Variants in CPSF1 observed in about 807,000 individuals in gnomAD.
The protein encoded by CPSF1 is cleavage and polyadenylation specificity factor subunit 1.
CPSF1 carries 106 observed loss-of-function variants against 175.8 expected under a neutral mutation model. The ratio of observed to expected loss-of-function variants is 0.60; its 90% CI spans 0.52 to 0.71. CPSF1 has a LOEUF of 0.71. CPSF1 is among the 30% of genes least tolerant of loss of function. The pLI, the probability that CPSF1 is intolerant of heterozygous loss-of-function variation, is 0.00. For synonymous variants in CPSF1, 1,024 were observed against 858.3 expected, an observed-to-expected ratio of 1.19 and a Z score of -3.37; for missense variants, 1,734 against 2,022.9, an observed-to-expected ratio of 0.86 and a Z score of 2.74.
chr8:144,408,950 C>A, intron 2 of CPSF1, 65 bp downstream of exon 2: 2 of 1,576,100 alleles, frequency 1.3e-6, no homozygotes, highest in Non-Finnish European at 1.7e-6. Context: ...CTTCCATCTG[C>A]AACCGGGGGC....
chr8:144,395,121 G>T lies in CPSF1; in HGVS notation c.3249C>A (p.Ser1083Arg). 6.2e-7 allele frequency: 1 copy of T among 1,611,940 alleles called. No individual in the cohort carries two copies. Among genetic ancestry groups the T allele is most frequent in the Non-Finnish European group, 8.5e-7 (1 of 1,179,212 alleles). ...AFSIQLISPV[S>R]WEAIPNARIE... ...ACCTGGCATTGGGAATAGCCTCCCA[G>T]CTGACCGGGGAGATGAGCTGGATGG... Residue 1083 changes from serine to arginine, a missense_variant, in exon 29 of 38, where the codon AGC becomes AGA. Transcript: ENST00000616140.
chr8:144,403,378 G>A (rs1271569448), intron 2 of CPSF1, among the ~76,000 whole-genome samples: 1 of 152,036 alleles, frequency 6.6e-6, no homozygotes, highest in African/African-American at 2.4e-5. Context: ...ACAGGCATGA[G>A]CCACCACGCC....
At chr8:144,398,907 A>ATGGGGGTGTGG in intron 16 of CPSF1, 39 bp from the exon 17 acceptor site, 3 of 1,609,586 alleles carry the variant, frequency 1.9e-6, no homozygotes, top group Non-Finnish European at 2.5e-6. Flanking sequence ...TGGGGGTGTG[A>ATGGGGGTGTGG]GCCCACCCAG....
At position 144,400,030 on chromosome 8, in the gene CPSF1, G is replaced by A. The variant is rs2116869297; in HGVS notation, c.993C>T (p.Ser331=). ...TLDCAQATFI[S]YDKMVISLKG... ...TGAGGGAGATGACCATCTTGTCGTAGGAGATGAAGGTGGCCTGGGCGCAGT... is the reference window on the plus strand; with the variant it reads ...TGAGGGAGATGACCATCTTGTCGTAAGAGATGAAGGTGGCCTGGGCGCAGT... Residue 331 remains serine (S), a synonymous_variant, in exon 10 of 38, where the codon TCC becomes TCT. Coordinates refer to ENST00000616140, the MANE Select transcript of CPSF1 (RefSeq NM_013291.3). The A allele has an allele frequency of 3.1e-6, 5 of 1,612,212 alleles. No homozygotes were observed. The highest frequency in any genetic ancestry group is 4.2e-6 in the Non-Finnish European group (5 of 1,179,912).
chr8:144,399,519 G>A lies in CPSF1; in HGVS notation c.1243-16C>T, dbSNP rs971467850. The A allele has an allele frequency of 3.7e-6, 6 of 1,612,210 alleles. No individual in the cohort carries two copies. Among genetic ancestry groups the A allele is most frequent in the East Asian group, 2.2e-5 (1 of 44,870 alleles). ...GAGGCTCTTCCTGTGAGGCAGGAGG[G>A]GCACTGAGTGGCATGCCACAGCAGT... On this transcript the variant is annotated splice_polypyrimidine_tract_variant and intron_variant, in intron 12 of 37. Coordinates refer to ENST00000616140, the MANE Select transcript of CPSF1 (RefSeq NM_013291.3). The surrounding 1 kb of genome is among the most constrained non-coding windows in gnomAD (Gnocchi z 6.4).
rs1554863005 is a variant in CPSF1, at chr8:144,394,813, T to C, written c.3415-17A>G. 1.9e-6 allele frequency: 3 copies of C among 1,613,252 alleles called. No individual in the cohort carries two copies. The highest frequency in any genetic ancestry group is 2.2e-5 in the East Asian group (1 of 44,872). On this transcript the variant is annotated splice_polypyrimidine_tract_variant and intron_variant, in intron 30 of 37. Transcript: ENST00000616140. Reference sequence around the variant, plus strand: ...GATCAAGATCTGGAGGGCATGGGTATGGCTGTGGGATGGCTGTGGGGATGG... The same window carrying C: ...GATCAAGATCTGGAGGGCATGGGTACGGCTGTGGGATGGCTGTGGGGATGG...
rs375904098 is a variant in CPSF1 at position 144,394,025 on chromosome 8, G to A, written c.3873C>T (p.Phe1291=). Reference sequence around the variant, plus strand: ...CCCGACGCAGCAGGCGCATGCCCCCGAAACTCTCCTTGGCTAGACCAGAAA... The same window carrying A: ...CCCGACGCAGCAGGCGCATGCCCCCAAAACTCTCCTTGGCTAGACCAGAAA... ...YMYLPEAKES[F]GGMRLLRRAD... The change falls in exon 35 of 38, where the codon TTC becomes TTT. Residue 1291 remains phenylalanine, a synonymous_variant. Transcript: ENST00000616140. The A allele has an allele frequency of 9.0e-5, 145 of 1,611,816 alleles. No homozygotes were observed. Among genetic ancestry groups the A allele is most frequent in the South Asian group, 1.5e-4 (14 of 90,978 alleles).
Position 144,401,248 on chromosome 8 carries a change from G to A in CPSF1, c.350C>T (p.Thr117Ile), listed in dbSNP as rs1360561905. The change falls in exon 5 of 38, where the codon ACC becomes ATC. Residue 117 changes from threonine to isoleucine, a missense_variant. By Grantham distance (89) the Thr-to-Ile change is moderately conservative. Around this residue, in one of 10 missense-constraint regions of CPSF1, gnomAD observed 122 missense variants for 177.2 expected, o/e 0.69. Coordinates refer to ENST00000616140, the MANE Select transcript of CPSF1 (RefSeq NM_013291.3). ...EYDPGTHDLK[T>I]LSLHYFEEPE... ...CTCCTCAAAGTAGTGCAGTGACAGGGTCTTCAGGTCATGGGTGCCCGGGTC... is the reference window on the plus strand; with the variant it reads ...CTCCTCAAAGTAGTGCAGTGACAGGATCTTCAGGTCATGGGTGCCCGGGTC... 1.3e-6 allele frequency: 2 copies of A among 1,551,850 alleles called. No individual in the cohort carries two copies. The highest frequency in any genetic ancestry group is 1.7e-6 in the Non-Finnish European group (2 of 1,147,624).
chr8:144,397,033 G>T, intron 23 of CPSF1, 104 bp from the exon 24 acceptor site: 1 of 944,506 alleles, frequency 1.1e-6, no homozygotes, highest in Non-Finnish European at 1.6e-6. Context: ...GGCTGAGATG[G>T]GGTGGAGCCA....
At chr8:144,407,461 T>G (rs1479296206) in intron 2 of CPSF1, among the ~76,000 whole-genome samples, 2 of 152,128 alleles carry the variant, frequency 1.3e-5, no homozygotes, top group African/African-American at 4.8e-5. Flanking sequence ...GTGAGTGGAC[T>G]GCCTGAGCTC....
chr8:144,399,111 A>AC lies in CPSF1; in HGVS notation c.1467+16dup, dbSNP rs2116859084. The AC allele has an allele frequency of 6.7e-7, 1 of 1,492,318 alleles. No individual in the cohort carries two copies. Among genetic ancestry groups the AC allele is most frequent in the South Asian group, 1.2e-5 (1 of 83,002 alleles). The allele number at this position is 1,492,318 out of a possible 1,614,324, so 92.4% of individuals were successfully genotyped here. ...ACTCCAGCCCCTGCCCCCAGCCCCGACCCCAACCCTGGGCACCTCTTCAGA... is the reference window on the plus strand; with the variant it reads ...ACTCCAGCCCCTGCCCCCAGCCCCGACCCCCAACCCTGGGCACCTCTTCAGA... On this transcript the variant is annotated intron_variant, in intron 15 of 37. Transcript: ENST00000616140. This position sits in a 1 kb window ranked among gnomAD's most constrained non-coding sequence, Gnocchi z 6.4.
Position 144,395,127 on chromosome 8 carries a change from C to T in CPSF1, c.3243G>A (p.Pro1081=), listed in dbSNP as rs147047153. 2.5e-5 allele frequency: 40 copies of T among 1,611,872 alleles called. No homozygotes were observed. Among genetic ancestry groups the T allele is most frequent in the African/African-American group, 6.7e-5 (5 of 74,900 alleles). Residue 1081 remains proline (P), a synonymous_variant, in exon 29 of 38, where the codon CCG becomes CCA. Coordinates refer to ENST00000616140, the MANE Select transcript of CPSF1 (RefSeq NM_013291.3). The part of the protein sequence containing the change: ...QEAFSIQLIS[P]VSWEAIPNAR... The stretch of plus-strand genomic sequence containing the variant: ...CATTGGGAATAGCCTCCCAGCTGAC[C>T]GGGGAGATGAGCTGGATGGAGAAGG...
In CPSF1 at chr8:144,397,666, G is replaced by C; in HGVS notation, c.2211-5C>G. 6.5e-7 allele frequency: 1 copy of C among 1,541,834 alleles called. No individual in the cohort carries two copies. Among genetic ancestry groups the C allele is most frequent in the Non-Finnish European group, 8.8e-7 (1 of 1,140,852 alleles). ...TCCTCGTCATCCACTGTGGGGCTGG[G>C]GGCCAGCAGAAGGTCATGGGCGGCC... On this transcript the variant is annotated splice_region_variant and splice_polypyrimidine_tract_variant and intron_variant, in intron 21 of 37. Coordinates refer to ENST00000616140, the MANE Select transcript of CPSF1 (RefSeq NM_013291.3).
In CPSF1 at chr8:144,393,432, G is replaced by C; in HGVS notation, c.4284+20C>G. Reference sequence around the variant, plus strand: ...GCACACGGAGGGGCGGGGCGCGCGGGGGGCGGGGCGCGCACTCACTATGTC... The same window carrying C: ...GCACACGGAGGGGCGGGGCGCGCGGCGGGCGGGGCGCGCACTCACTATGTC... On this transcript the variant is annotated intron_variant, in intron 37 of 37. Transcript: ENST00000616140. 6.5e-7 allele frequency: 1 copy of C among 1,536,652 alleles called. No homozygotes were observed. Among genetic ancestry groups the C allele is most frequent in the South Asian group, 1.2e-5 (1 of 83,524 alleles).
At chr8:144,395,764 G>C (rs1554863525) in intron 26 of CPSF1, 2 of 599,030 alleles carry the variant, frequency 3.3e-6, no homozygotes, top group East Asian at 5.5e-5. Context: ...GCTGGGGCTA[G>C]GGGTGCTGGC....
rs1554867188 is a variant in CPSF1, at chr8:144,401,530, G to A, written c.206C>T (p.Ala69Val). Residue 69 changes from alanine (A) to valine (V), a missense_variant, in exon 4 of 38, where the codon GCT (alanine) becomes GTT (valine). By Grantham distance (64) the Ala-to-Val change is moderately conservative. Around this residue, in one of 10 missense-constraint regions of CPSF1, gnomAD observed 126 missense variants for 117.9 expected, o/e 1.07. Transcript: ENST00000616140. Reference protein sequence around the residue: ...GKAHREKLELAASFSFFGNVM... With the variant: ...GKAHREKLELVASFSFFGNVM... ...GTTGCCAAAGAAGGAGAAGGAGGCA[G>A]CAAGCTCGAGCTTCTCCCGGTGGGC... The A allele has an allele frequency of 1.9e-6, 3 of 1,613,788 alleles. No individual in the cohort carries two copies. In the African/African-American group the frequency reaches 4.0e-5, roughly 22 times the overall value.
At chr8:144,408,700 A>G (rs2116911630) in intron 2 of CPSF1, among the ~76,000 whole-genome samples, 3 of 152,254 alleles carry the variant, frequency 2.0e-5, no homozygotes, top group African/African-American at 2.4e-5. Flanking sequence ...TGTGGTTCAC[A>G]TGGTATCTCT....
Position 144,401,499 on chromosome 8 carries a change from C to T in CPSF1, c.237G>A (p.Met79Ile). The T allele has an allele frequency of 6.2e-7, 1 of 1,614,036 alleles. No individual in the cohort carries two copies. Among genetic ancestry groups the T allele is most frequent in the Non-Finnish European group, 8.5e-7 (1 of 1,179,990 alleles). The change falls in exon 4 of 38, where the codon ATG becomes ATA. Residue 79 changes from methionine (M) to isoleucine (I), a missense_variant. Around this residue, in one of 10 missense-constraint regions of CPSF1, gnomAD observed 126 missense variants for 117.9 expected, o/e 1.07. Transcript: ENST00000616140. ...AASFSFFGNV[M>I]SMASVQLAGA... ...CTGCCAGCTGCACGCTGGCCATGGA[C>T]ATGACGTTGCCAAAGAAGGAGAAGG...
At chr8:144,396,536 G>A (rs782611474) in intron 25 of CPSF1, 36 bp from the exon 26 acceptor site, 6 of 1,608,932 alleles carry the variant, frequency 3.7e-6, no homozygotes, top group South Asian at 1.1e-5. Flanking sequence ...TGTGGATGAG[G>A]ATGCTGCGGA....
Sources: allele counts gnomAD v4.1 joint callset (sites outside exome capture counted in the v4.1 genomes callset), GRCh38; gene constraint gnomAD v4.1.1; regional missense constraint gnomAD v4.1.1; non-coding constraint Gnocchi (gnomAD v3.1); transcripts MANE v1.5; gene names NCBI Gene and HGNC (gene_info 2026-07-23, HGNC 2026-07-21).